ADGRG7: variants seen among roughly 807,000 people sequenced by gnomAD.
ADGRG7 encodes adhesion G protein-coupled receptor G7, also known as G-protein coupled receptor 128.
A neutral mutation model predicts 88.6 loss-of-function variants in ADGRG7; 82 were observed. The observed-to-expected ratio is 0.93, with a 90% CI of 0.77 to 1.11. The LOEUF (loss-of-function observed/expected upper bound fraction) is 1.11, where lower values mean the gene tolerates loss of function less well. Ranked by LOEUF, ADGRG7 falls within the 50% of genes most tolerant of loss-of-function variation. ADGRG7 has a pLI of 0.00. For missense variants in ADGRG7, 945 were observed against 953.4 expected, an observed-to-expected ratio of 0.99 and a Z score of 0.12; for synonymous variants, 381 against 345.2, an observed-to-expected ratio of 1.10 and a Z score of -1.15.
intron 15 of ADGRG7, 39 bp from the exon 16 acceptor site, chr3:100,694,705 C>T (rs1457920161): frequency 1.8e-5 from 29 of 1,591,192 alleles, no homozygotes; most frequent in Non-Finnish European, 2.4e-5. Context: ...TACTGTATCT[C>T]AGCACTTACC....
chr3:100,621,771 A>G (rs1416613630), intron 1 of ADGRG7, among the ~76,000 whole-genome samples: 1 of 152,238 alleles, frequency 6.6e-6, no homozygotes, highest in Non-Finnish European at 1.5e-5. Context: ...TCAGTGTATA[A>G]AACAGGCTTC....
At chr3:100,652,527 G>A (rs949997276) in intron 11 of ADGRG7, among the ~76,000 whole-genome samples, 7 of 152,190 alleles carry the variant, frequency 4.6e-5, no homozygotes, top group Non-Finnish European at 1.0e-4. Flanking sequence ...GCGAGGAACT[G>A]TCTGCCATAG....
intron 15 of ADGRG7, among the ~76,000 whole-genome samples, chr3:100,675,412 G>A (rs1329563679): frequency 6.6e-6 from 1 of 152,136 alleles, no homozygotes; most frequent in Non-Finnish European, 1.5e-5. Context: ...ATTTGCATAT[G>A]TAGGACCATC....
In ADGRG7 at chr3:100,659,853, C is replaced by T; in HGVS notation, c.1979+10C>T. 1.2e-6 allele frequency: 2 copies of T among 1,612,106 alleles called. No homozygotes were observed. The highest frequency in any genetic ancestry group is 1.7e-6 in the Non-Finnish European group (2 of 1,178,932). ...ACCAGAACCTGACAAGGTAAGATTC[C>T]CAATGAATGGGAAGCTGCCAGGCAA... On this transcript the variant is annotated intron_variant, in intron 14 of 15. Transcript: ENST00000273352.
Position 100,649,355 on chromosome 3 carries a change from C to G in ADGRG7, c.1267-340C>G, listed in dbSNP as rs373812862. The stretch of plus-strand genomic sequence containing the variant: ...TATGCAGGTCAGCTTTCCACATCAG[C>G]AGGTTGCACAGGACCAACTGCAGGA... On this transcript the variant is annotated intron_variant, in intron 10 of 15. Transcript: ENST00000273352. Among the ~76,000 whole-genome samples the G allele has an allele frequency of 2.3e-4, 35 of 152,316 alleles. 1 individual carries two copies. The highest frequency in any genetic ancestry group is 8.4e-4 in the African/African-American group (35 of 41,566).
At chr3:100,642,724 C>G (rs980449197) in intron 6 of ADGRG7, among the ~76,000 whole-genome samples, 2 of 152,200 alleles carry the variant, frequency 1.3e-5, no homozygotes, top group Non-Finnish European at 2.9e-5. Context: ...TAGAAAAGAA[C>G]ATTGTAAAAA....
At chr3:100,648,672 C>G (rs16842481) in intron 10 of ADGRG7, among the ~76,000 whole-genome samples, 3,038 of 152,160 alleles carry the variant, frequency 0.02, 117 homozygotes, top group African/African-American at 0.069. Flanking sequence ...GACAGGCTCT[C>G]AAGAGGTAGG....
At chr3:100,660,790 T>A (rs1478196658) in intron 14 of ADGRG7, among the ~76,000 whole-genome samples, 1 of 151,812 alleles carries the variant, frequency 6.6e-6, no homozygotes, top group Non-Finnish European at 1.5e-5. Flanking sequence ...CCATCTTTAC[T>A]AAAAATACAA....
At chr3:100,661,735 C>T (rs2094945955) in intron 14 of ADGRG7, among the ~76,000 whole-genome samples, 1 of 152,136 alleles carries the variant, frequency 6.6e-6, no homozygotes, top group African/African-American at 2.4e-5. Flanking sequence ...CAATTTCTAT[C>T]ACAAGATTAC....
At position 100,689,187 on chromosome 3, in the gene ADGRG7, C is replaced by G. The variant is rs984885028; in HGVS notation, c.2137-5557C>G. On this transcript the variant is annotated intron_variant, in intron 15 of 15. Coordinates refer to ENST00000273352, the MANE Select transcript of ADGRG7 (RefSeq NM_032787.3). ...GGTTTAAAGTCTGTTTTATCAGAGA[C>G]TAGGATTGCAACCCCTGCCTTTTTT... Among the ~76,000 whole-genome samples the G allele has an allele frequency of 2.5e-4, 38 of 152,262 alleles. No individual in the cohort carries two copies. The Middle Eastern group carries it at 0.01, about 41-fold the overall frequency.
intron 15 of ADGRG7, among the ~76,000 whole-genome samples, chr3:100,674,916 A>G (rs936933464): frequency 1.3e-5 from 2 of 152,120 alleles, no homozygotes; most frequent in Non-Finnish European, 2.9e-5. Flanking sequence ...TGGCATATAG[A>G]AATGCTACTA....
At chr3:100,618,348 A>G (rs1707256391) in intron 1 of ADGRG7, among the ~76,000 whole-genome samples, 1 of 152,164 alleles carries the variant, frequency 6.6e-6, no homozygotes, top group African/African-American at 2.4e-5. Context: ...TTATGGTTTT[A>G]GGTCTAACAT....
chr3:100,694,822 T>G lies in ADGRG7; in HGVS notation c.2215T>G (p.Ser739Ala), dbSNP rs1393491010. ...SEASKVLMLLSSIGRRKSLPS... is the reference protein window; with the variant it reads ...SEASKVLMLLASIGRRKSLPS... The stretch of plus-strand genomic sequence containing the variant: ...AGCTTCCAAAGTGTTGATGTTGCTA[T>G]CGTCTATTGGGAGAAGGAAGTCATT... Residue 739 changes from serine (S) to alanine (A), a missense_variant, in exon 16 of 16, where the codon TCG (serine) becomes GCG (alanine). Ser to Ala is a moderately conservative substitution (Grantham distance 99). Coordinates refer to ENST00000273352, the MANE Select transcript of ADGRG7 (RefSeq NM_032787.3). 1.2e-6 allele frequency: 2 copies of G among 1,614,056 alleles called. No homozygotes were observed.
At chr3:100,651,631 C>T (rs2094929453) in intron 11 of ADGRG7, among the ~76,000 whole-genome samples, 1 of 151,998 alleles carries the variant, frequency 6.6e-6, no homozygotes, top group Non-Finnish European at 1.5e-5. Context: ...ATTGCTTGAG[C>T]CCAGGAGTTT....
At chr3:100,667,187 T>A (rs950800254) in intron 14 of ADGRG7, among the ~76,000 whole-genome samples, 4 of 152,182 alleles carry the variant, frequency 2.6e-5, no homozygotes, top group South Asian at 4.1e-4. Flanking sequence ...TAATTTTTTT[T>A]TTTATTATTA....
At chr3:100,618,989 G>A (rs1351525875) in intron 1 of ADGRG7, among the ~76,000 whole-genome samples, 1 of 152,066 alleles carries the variant, frequency 6.6e-6, no homozygotes, top group African/African-American at 2.4e-5. Context: ...ATTGTGAATG[G>A]GAGTTCACTC....
chr3:100,649,980 C>T (rs1040115475), intron 11 of ADGRG7, among the ~76,000 whole-genome samples, 173 bp downstream of exon 11: 1 of 152,142 alleles, frequency 6.6e-6, no homozygotes, highest in Non-Finnish European at 1.5e-5. Flanking sequence ...CAAATAAATA[C>T]GTAATTACAA....
At position 100,633,286 on chromosome 3, in the gene ADGRG7, G is replaced by A. The variant is rs143646459; in HGVS notation, c.356G>A (p.Arg119Gln). Residue 119 changes from arginine to glutamine, a missense_variant, in exon 4 of 16, where the codon CGG becomes CAG. Transcript: ENST00000273352. ...TPNAGNPMAV[R>Q]LCSLSLYGEI... ...AAAGCGGGCAATCCAATGGCAGTCCGGTTGTGCAGTCTCTCTCTATATGGA... is the reference window on the plus strand; with the variant it reads ...AAAGCGGGCAATCCAATGGCAGTCCAGTTGTGCAGTCTCTCTCTATATGGA... 5.2e-5 allele frequency: 78 copies of A among 1,500,002 alleles called. No homozygotes were observed. Among genetic ancestry groups the A allele is most frequent in the East Asian group, 1.0e-4 (4 of 39,698 alleles). The allele number at this position is 1,500,002 out of a possible 1,614,324, so 92.9% of individuals were successfully genotyped here.
intron 15 of ADGRG7, among the ~76,000 whole-genome samples, chr3:100,673,649 A>G (rs758531669): frequency 7.9e-5 from 12 of 151,894 alleles, no homozygotes; most frequent in Non-Finnish European, 1.6e-4. Context: ...TTTAGTAGAG[A>G]TGGGGTTTCA....
Sources: allele counts gnomAD v4.1 joint callset (sites outside exome capture counted in the v4.1 genomes callset), GRCh38; gene constraint gnomAD v4.1.1; transcripts MANE v1.5; gene names NCBI Gene and HGNC (gene_info 2026-07-23, HGNC 2026-07-21).